The following SYK variants were observed in gnomAD, a reference collection of about 807,000 sequenced individuals.
SYK encodes tyrosine-protein kinase SYK.
A neutral mutation model predicts 77.8 loss-of-function variants in SYK; 16 were observed. The ratio of observed to expected loss-of-function variants is 0.21; its 90% CI spans 0.14 to 0.31. SYK has a LOEUF of 0.31. Among genes scored for constraint, SYK ranks in the 10% least tolerant of loss-of-function variants. The pLI, the probability that SYK is intolerant of heterozygous loss-of-function variation, is 1.00. For missense variants in SYK, 529 were observed against 814.4 expected, an observed-to-expected ratio of 0.65 and a Z score of 4.26; for synonymous variants, 312 against 308.7, an observed-to-expected ratio of 1.01 and a Z score of -0.11.
chr9:90,887,336 A>G (rs1397468788), intron 11 of SYK, among the ~76,000 whole-genome samples: 10 of 151,492 alleles, frequency 6.6e-5, no homozygotes, highest in Admixed American at 6.6e-4. Flanking sequence ...GGTTGCTTTC[A>G]TGTTTTAGCT....
chr9:90,829,441 G>A (rs1300253951), intron 1 of SYK, among the ~76,000 whole-genome samples: 6 of 152,204 alleles, frequency 3.9e-5, no homozygotes, highest in Non-Finnish European at 4.4e-5. Flanking sequence ...AGGAAGAACC[G>A]GACATGTGAG....
At chr9:90,847,157 C>G (rs1391450671) in intron 3 of SYK, among the ~76,000 whole-genome samples, 1 of 152,196 alleles carries the variant, frequency 6.6e-6, no homozygotes, top group Non-Finnish European at 1.5e-5. Context: ...CTGGGAGGTG[C>G]AGCTCTTGTT....
intron 1 of SYK, among the ~76,000 whole-genome samples, chr9:90,809,746 C>T (rs116698894): frequency 0.025 from 3,838 of 152,180 alleles, 149 homozygotes; most frequent in African/African-American, 0.082. Context: ...AAGTGAGTGC[C>T]GAGCCCCTAG....
intron 3 of SYK, among the ~76,000 whole-genome samples, chr9:90,858,203 C>A (rs1827117751): frequency 6.6e-6 from 1 of 152,196 alleles, no homozygotes; most frequent in Admixed American, 6.5e-5. Context: ...ACATGCCTCA[C>A]CTTTGGATAG....
At chr9:90,841,633 T>A (rs1051712107) in intron 1 of SYK, among the ~76,000 whole-genome samples, 5 of 150,948 alleles carry the variant, frequency 3.3e-5, no homozygotes, top group African/African-American at 1.2e-4. Flanking sequence ...GTAGTGTGTA[T>A]GTAGTGTAGC....
intron 13 of SYK, among the ~76,000 whole-genome samples, chr9:90,889,300 C>T (rs1828698190): frequency 6.6e-6 from 1 of 152,228 alleles, no homozygotes; most frequent in South Asian, 2.1e-4. Flanking sequence ...CTTGTGCGTG[C>T]ATAGCACGGT....
At chr9:90,804,048 T>G (rs2118230084) in intron 1 of SYK, among the ~76,000 whole-genome samples, 1 of 152,282 alleles carries the variant, frequency 6.6e-6, no homozygotes, top group South Asian at 2.1e-4. Context: ...TTTCAGAGCT[T>G]TTTAGAGCTG....
chr9:90,885,980 C>G (rs1828557752), intron 11 of SYK, among the ~76,000 whole-genome samples: 1 of 152,152 alleles, frequency 6.6e-6, no homozygotes, highest in Admixed American at 6.6e-5. Context: ...CCCAGGTAAG[C>G]AAACACTGAG....
chr9:90,828,393 G>C (rs943268304), intron 1 of SYK, among the ~76,000 whole-genome samples: 2 of 152,234 alleles, frequency 1.3e-5, no homozygotes, highest in Non-Finnish European at 2.9e-5. Context: ...GATCTATCAG[G>C]CATATTCAAC....
At chr9:90,822,647 T>A (rs968687610) in intron 1 of SYK, among the ~76,000 whole-genome samples, 1 of 152,148 alleles carries the variant, frequency 6.6e-6, no homozygotes, top group African/African-American at 2.4e-5. Flanking sequence ...CACCAGGCGG[T>A]CCTCCTGGGT....
intron 1 of SYK, among the ~76,000 whole-genome samples, chr9:90,838,583 A>G (rs971532728): frequency 1.3e-5 from 2 of 152,178 alleles, no homozygotes; most frequent in African/African-American, 4.8e-5. Flanking sequence ...CTGAACCACT[A>G]CCTGCCCAGG....
intron 11 of SYK, among the ~76,000 whole-genome samples, chr9:90,884,474 TAC>T (rs1828363883): frequency 3.5e-5 from 1 of 28,522 alleles, no homozygotes; most frequent in African/African-American, 4.1e-4. Flanking sequence ...TGTGTACATA[TAC>T]ATACACACAC....
intron 1 of SYK, among the ~76,000 whole-genome samples, chr9:90,834,616 T>C (rs1826006068): frequency 6.6e-6 from 1 of 152,202 alleles, no homozygotes; most frequent in African/African-American, 2.4e-5. Context: ...TATTTGTTCA[T>C]CTAATTTATT....
chr9:90,849,086 C>T (rs995197335), intron 3 of SYK, among the ~76,000 whole-genome samples: 1 of 152,198 alleles, frequency 6.6e-6, no homozygotes, highest in South Asian at 2.1e-4. Context: ...GCAGAGCACT[C>T]ACGGCACTGG....
chr9:90,897,119 G>T lies in SYK; in HGVS notation c.*1519G>T, dbSNP rs1265853896. 4 of 228,836 alleles carry T rather than the reference G, an allele frequency of 1.7e-5. No homozygotes were observed. The highest frequency in any genetic ancestry group is 8.9e-5 in the African/African-American group (4 of 45,092). 14.2% of individuals were successfully genotyped at this position (228,836 alleles called of 1,614,324 possible). On this transcript the variant is annotated 3_prime_UTR_variant, in exon 14 of 14. Coordinates refer to ENST00000375754, the MANE Select transcript of SYK (RefSeq NM_003177.7). ...TAAACTTGGACCCATCTGGTCTTCA[G>T]CTAAACCTGAGACATTTTAAAGTGC...
At chr9:90,838,646 G>A (rs1826175772) in intron 1 of SYK, among the ~76,000 whole-genome samples, 1 of 152,218 alleles carries the variant, frequency 6.6e-6, no homozygotes, top group Non-Finnish European at 1.5e-5. Context: ...TGGAGTTAAG[G>A]AGGAGCTAAG....
intron 1 of SYK, among the ~76,000 whole-genome samples, chr9:90,816,280 A>G (rs1825289540): frequency 6.6e-6 from 1 of 152,188 alleles, no homozygotes; most frequent in Non-Finnish European, 1.5e-5. Flanking sequence ...CTTACAGAGA[A>G]GCATGTGTTT....
At chr9:90,877,486 C>T (rs1827984013) in intron 9 of SYK, 85 bp from the exon 10 acceptor site, 1 of 1,461,488 alleles carries the variant, frequency 6.8e-7, no homozygotes, top group South Asian at 1.3e-5. Context: ...ACTGTTTCCA[C>T]AGGGGGATTA....
At chr9:90,821,747 G>A (rs1394829454) in intron 1 of SYK, among the ~76,000 whole-genome samples, 8 of 152,138 alleles carry the variant, frequency 5.3e-5, no homozygotes, top group Non-Finnish European at 1.2e-4. Flanking sequence ...AGTCTACTTA[G>A]TGCCGTATTT....
Sources: allele counts gnomAD v4.1 joint callset (sites outside exome capture counted in the v4.1 genomes callset), GRCh38; gene constraint gnomAD v4.1.1; transcripts MANE v1.5; gene names NCBI Gene and HGNC (gene_info 2026-07-23, HGNC 2026-07-21).